The following CDH18 variants were observed in gnomAD, a reference collection of about 807,000 sequenced individuals.
The protein encoded by CDH18 is cadherin 18, also known as cadherin-18.
In CDH18, 31 loss-of-function variants were observed where a neutral mutation model predicts 67.9. The ratio of observed to expected loss-of-function variants is 0.46; its 90% confidence interval spans 0.34 to 0.62. CDH18 has a LOEUF of 0.62. Ranked by LOEUF, CDH18 falls within the 20% of genes least tolerant of loss-of-function variation. The probability of loss-of-function intolerance (pLI) is 0.01; values close to 1 mark genes in which losing one functional copy is unlikely to be tolerated. For synonymous variants in CDH18, 362 were observed against 347.2 expected, an observed-to-expected ratio of 1.04 and a Z score of -0.48; for missense variants, 890 against 975.5, an observed-to-expected ratio of 0.91 and a Z score of 1.17.
intron 3 of CDH18, among the ~76,000 whole-genome samples, chr5:19,815,001 G>A (rs1325112295): frequency 6.6e-6 from 1 of 151,816 alleles, no homozygotes; most frequent in Non-Finnish European, 1.5e-5. Flanking sequence ...GTAGACTTAG[G>A]AAATGCTTTC....
chr5:20,271,118 T>C (rs1311572531), intron 1 of CDH18, among the ~76,000 whole-genome samples: 1 of 152,038 alleles, frequency 6.6e-6, no homozygotes, highest in African/African-American at 2.4e-5. Context: ...CCTGCACATG[T>C]ACCCCTGAAC....
chr5:19,663,876 C>CA (rs1553995078), intron 5 of CDH18, among the ~76,000 whole-genome samples: 1 of 148,468 alleles, frequency 6.7e-6, no homozygotes, highest in Non-Finnish European at 1.5e-5. Flanking sequence ...ACTTAAAAGA[C>CA]TTTTTTTTTT....
chr5:19,480,119 A>G (rs1401714425), intron 12 of CDH18, among the ~76,000 whole-genome samples: 2 of 152,014 alleles, frequency 1.3e-5, no homozygotes, highest in Non-Finnish European at 2.9e-5. Flanking sequence ...GCTTCACCTA[A>G]GAGATCGACT....
At chr5:20,012,453 T>C (rs755207906) in intron 2 of CDH18, among the ~76,000 whole-genome samples, 6 of 151,360 alleles carry the variant, frequency 4.0e-5, no homozygotes, top group Non-Finnish European at 5.9e-5. Flanking sequence ...TTCAGTTCAG[T>C]AGCATTTCTA....
intron 1 of CDH18, among the ~76,000 whole-genome samples, chr5:20,451,224 G>T (rs929261913): frequency 2.0e-5 from 3 of 152,050 alleles, no homozygotes; most frequent in Non-Finnish European, 4.4e-5. Flanking sequence ...TTCCATCTTT[G>T]GTACCTACCC....
chr5:19,686,346 C>A (rs1761094501), intron 5 of CDH18, among the ~76,000 whole-genome samples: 1 of 151,948 alleles, frequency 6.6e-6, no homozygotes, highest in Non-Finnish European at 1.5e-5. Context: ...AAATATGGTA[C>A]CTTACCTTGC....
chr5:19,484,197 T>G (rs1350178158), intron 11 of CDH18, among the ~76,000 whole-genome samples: 2 of 152,228 alleles, frequency 1.3e-5, no homozygotes, highest in African/African-American at 4.8e-5. Flanking sequence ...GCATGATATA[T>G]TGTGTTCAAT....
intron 10 of CDH18, among the ~76,000 whole-genome samples, chr5:19,517,658 G>A (rs767413415): frequency 1.3e-5 from 2 of 152,026 alleles, no homozygotes; most frequent in Non-Finnish European, 2.9e-5. Context: ...ATGCTTGGTG[G>A]TTTTGTTTCT....
At chr5:19,711,208 T>A (rs936563039) in intron 5 of CDH18, among the ~76,000 whole-genome samples, 4 of 151,758 alleles carry the variant, frequency 2.6e-5, no homozygotes, top group Admixed American at 1.3e-4. Context: ...GATTAAAACC[T>A]CAAAAGGAAA....
At chr5:20,404,647 A>G (rs1007053838) in intron 1 of CDH18, among the ~76,000 whole-genome samples, 2 of 152,100 alleles carry the variant, frequency 1.3e-5, no homozygotes, top group Non-Finnish European at 2.9e-5. Context: ...AAAAATTACA[A>G]TAGTAACATG....
chr5:20,350,099 C>CA (rs1258444269), intron 1 of CDH18, among the ~76,000 whole-genome samples: 1 of 152,044 alleles, frequency 6.6e-6, no homozygotes, highest in Non-Finnish European at 1.5e-5. Context: ...TTTCAAAAGG[C>CA]AATACATGGA....
At chr5:20,242,098 TGAG>T (rs1742972929) in intron 2 of CDH18, among the ~76,000 whole-genome samples, 1 of 151,558 alleles carries the variant, frequency 6.6e-6, no homozygotes, top group Non-Finnish European at 1.5e-5. Flanking sequence ...TTTTAAATTA[TGAG>T]GAGATGTAAA....
intron 1 of CDH18, among the ~76,000 whole-genome samples, chr5:20,569,842 C>T (rs938334702): frequency 6.6e-6 from 1 of 152,034 alleles, no homozygotes; most frequent in Non-Finnish European, 1.5e-5. Context: ...GAATATTATT[C>T]AGTAATAAAA....
chr5:20,271,316 G>A (rs945647698), intron 1 of CDH18, among the ~76,000 whole-genome samples: 4 of 151,950 alleles, frequency 2.6e-5, no homozygotes, highest in Admixed American at 1.3e-4. Flanking sequence ...CAATGATTAC[G>A]AAGTAGAGCT....
chr5:20,394,777 T>C (rs1745148351), intron 1 of CDH18, among the ~76,000 whole-genome samples: 1 of 151,874 alleles, frequency 6.6e-6, no homozygotes, highest in Admixed American at 6.6e-5. Context: ...GCAAATGATA[T>C]GAATAGAAAT....
At chr5:20,334,670 T>C (rs1197449154) in intron 1 of CDH18, among the ~76,000 whole-genome samples, 1 of 151,966 alleles carries the variant, frequency 6.6e-6, no homozygotes. Context: ...ACTAATAATA[T>C]TTTAAATTTA....
At chr5:19,566,095 A>G (rs968954653) in intron 8 of CDH18, among the ~76,000 whole-genome samples, 5 of 152,228 alleles carry the variant, frequency 3.3e-5, no homozygotes, top group African/African-American at 1.2e-4. Context: ...AAGATGACAT[A>G]CAAATAGCAA....
At chr5:20,376,107 T>TTTTTTTTTG (rs1318320616) in intron 1 of CDH18, among the ~76,000 whole-genome samples, 1 of 112,942 alleles carries the variant, frequency 8.9e-6, no homozygotes, top group African/African-American at 3.1e-5. Context: ...TTTTTTTTTT[T>TTTTTTTTTG]TTTTGAGACG....
intron 2 of CDH18, among the ~76,000 whole-genome samples, chr5:20,007,280 T>C (rs977357975): frequency 6.6e-6 from 1 of 151,966 alleles, no homozygotes; most frequent in Non-Finnish European, 1.5e-5. Context: ...CAATTGATTA[T>C]AGAGACTCAA....
Sources: gnomAD v4.1 joint callset for allele counts (sites outside exome capture counted in the v4.1 genomes callset) on GRCh38, gnomAD v4.1.1 for gene constraint, MANE v1.5 for transcripts, NCBI Gene and HGNC (gene_info 2026-07-23, HGNC 2026-07-21) for gene names.